The following CIMIP2B variants were observed in gnomAD, a reference collection of about 807,000 sequenced individuals.
CIMIP2B encodes the protein ciliary microtubule inner protein 2B.
At chr9:35,562,045 G>C in the CIMIP2B span, 1 of 1,535,396 alleles carries the variant, frequency 6.5e-7, no homozygotes, top group Non-Finnish European at 8.7e-7. Flanking sequence ...CTGAGGCCCA[G>C]AGCATCATGG....
the CIMIP2B span, chr9:35,563,031 G>A: frequency 1.2e-5 from 20 of 1,613,996 alleles, no homozygotes; most frequent in Non-Finnish European, 1.7e-5. Context: ...CCTCGGCCCA[G>A]ACCTGGCTGC....
the CIMIP2B span, chr9:35,562,753 ACAAT>A: frequency 1.4e-5 from 23 of 1,611,952 alleles, no homozygotes; most frequent in Admixed American, 2.5e-4. Context: ...GGTGGAGCTG[ACAAT>A]CAAGTGCACA....
At chr9:35,562,562 TAGCC>T in the CIMIP2B span, 2 of 1,596,388 alleles carry the variant, frequency 1.3e-6, no homozygotes, top group Admixed American at 3.5e-5. Flanking sequence ...GCAGGGCACA[TAGCC>T]AGTGAAGCCT....
chr9:35,563,003 G>A, the CIMIP2B span: 16 of 1,613,880 alleles, frequency 9.9e-6, no homozygotes, highest in East Asian at 3.3e-4. Flanking sequence ...TCATGCAAGT[G>A]AGTAAAGTCA....
At chr9:35,562,490 C>T in the CIMIP2B span, 1 of 1,581,478 alleles carries the variant, frequency 6.3e-7, no homozygotes, top group Non-Finnish European at 8.6e-7. Context: ...GTGCTTCTGC[C>T]CAAATTCCTG....
the CIMIP2B span, chr9:35,563,755 T>C: frequency 6.2e-7 from 1 of 1,612,758 alleles, no homozygotes; most frequent in Non-Finnish European, 8.5e-7. Flanking sequence ...GAGCGCTAAG[T>C]GGGAGTCTTA....
chr9:35,562,931 G>A, the CIMIP2B span: 3 of 1,613,964 alleles, frequency 1.9e-6, no homozygotes, highest in South Asian at 3.3e-5. Flanking sequence ...TCTGGCACCT[G>A]GTCCTTCTCT....
the CIMIP2B span, chr9:35,562,101 TGGCC>T: frequency 6.6e-7 from 1 of 1,523,936 alleles, no homozygotes; most frequent in Non-Finnish European, 8.8e-7. Flanking sequence ...ATACCCTGTG[TGGCC>T]AAGAGAGTCT....
the CIMIP2B span, chr9:35,563,088 G>A: frequency 6.2e-7 from 1 of 1,613,806 alleles, no homozygotes; most frequent in African/African-American, 1.3e-5. Flanking sequence ...AACCTGGGCA[G>A]GCAGGGACAA....
At chr9:35,562,046 A>C in the CIMIP2B span, 1 of 1,535,690 alleles carries the variant, frequency 6.5e-7, no homozygotes, top group Non-Finnish European at 8.7e-7. Context: ...TGAGGCCCAG[A>C]GCATCATGGG....
chr9:35,563,080 C>T, the CIMIP2B span: 3 of 1,613,924 alleles, frequency 1.9e-6, no homozygotes, highest in Admixed American at 1.7e-5. Context: ...GGGTACAAAA[C>T]CTGGGCAGGC....
At chr9:35,563,756 G>A in the CIMIP2B span, 2 of 1,612,510 alleles carry the variant, frequency 1.2e-6, no homozygotes, top group East Asian at 2.2e-5. Flanking sequence ...AGCGCTAAGT[G>A]GGAGTCTTAC....
chr9:35,563,259 G>A, the CIMIP2B span: 48 of 1,613,890 alleles, frequency 3.0e-5, no homozygotes, highest in Admixed American at 6.7e-5. Flanking sequence ...CTTGGAGGCC[G>A]AATGGGAGGC....
chr9:35,562,743 G>A, the CIMIP2B span: 2 of 1,612,520 alleles, frequency 1.2e-6, no homozygotes, highest in Non-Finnish European at 1.7e-6. Context: ...CTCCCAAGGA[G>A]GTGGAGCTGA....
chr9:35,562,619 C>T, the CIMIP2B span: 17 of 1,611,926 alleles, frequency 1.1e-5, no homozygotes, highest in African/African-American at 2.7e-5. Flanking sequence ...GGCCTCCCCA[C>T]GCCTCTGATC....
At chr9:35,561,990 A>G in the CIMIP2B span, 1 of 1,243,262 alleles carries the variant, frequency 8.0e-7, no homozygotes, top group Non-Finnish European at 1.0e-6. Context: ...AGGGAAGGGA[A>G]CTTGATGTCC....
chr9:35,562,188 T>TA, the CIMIP2B span: 3 of 1,119,266 alleles, frequency 2.7e-6, no homozygotes, highest in East Asian at 7.8e-5. Flanking sequence ...AACAGCCCTC[T>TA]AAAATCTGGC....
chr9:35,561,913 T>TCCGG, the CIMIP2B span: 1 of 376,168 alleles, frequency 2.7e-6, no homozygotes. Flanking sequence ...CTCTTTGTGT[T>TCCGG]CCCCCACCCT....
At chr9:35,563,359 G>C in the CIMIP2B span, 3 of 1,613,562 alleles carry the variant, frequency 1.9e-6, no homozygotes, top group Non-Finnish European at 2.5e-6. Context: ...GGCCCACGCT[G>C]AACCGAAGTA....
Sources: allele counts gnomAD v4.1 joint callset, GRCh38; gene constraint gnomAD v4.1.1; transcripts MANE v1.5; gene names NCBI Gene and HGNC (gene_info 2026-07-23, HGNC 2026-07-21).